CACUL1: variants seen among roughly 807,000 people sequenced by gnomAD.
CACUL1 encodes CDK2-associated and cullin domain-containing protein 1.
Under a neutral mutation model 45.2 loss-of-function variants are expected in CACUL1, and 13 were observed. The observed-to-expected ratio is 0.29, with a 90% confidence interval of 0.19 to 0.46. The LOEUF is 0.46. Ranked by LOEUF, CACUL1 falls within the 20% of genes least tolerant of loss-of-function variation. CACUL1 has a pLI of 1.00. For missense variants in CACUL1, 421 were observed against 471.4 expected (o/e 0.89, Z 0.99); for synonymous variants, 197 against 174.2 (o/e 1.13, Z -1.03).
chr10:118,714,782 T>G (rs949526033), intron 3 of CACUL1, among the ~76,000 whole-genome samples: 1 of 152,240 alleles, frequency 6.6e-6, no homozygotes, highest in Non-Finnish European at 1.5e-5. Flanking sequence ...ATAAAATTAA[T>G]AATTTTCTCT....
chr10:118,729,407 A>G lies in CACUL1; in HGVS notation c.495-10T>C. The G allele has an allele frequency of 6.3e-7, 1 of 1,594,462 alleles. No individual in the cohort carries two copies. On this transcript the variant is annotated splice_polypyrimidine_tract_variant and intron_variant, in intron 2 of 8. Transcript: ENST00000369151. ...ACATTTATACACACAACTGTAAAAC[A>G]AACAAAAACCCCCACAAACCAAGTT...
At position 118,692,786 on chromosome 10, in the gene CACUL1, A is replaced by G. The variant is rs1161573423; in HGVS notation, c.887-1383T>C. 5 of 152,254 alleles carry G rather than the reference A, an allele frequency of 3.3e-5. No homozygotes were observed. In the East Asian group the frequency reaches 9.6e-4, roughly 29 times the overall value. The allele number at this position is 152,254 out of a possible 1,614,324, so 9.4% of individuals were successfully genotyped here. ...AAAGCCACGCTTGATGCTGTGGAAC[A>G]TTTGCTCTGTGGTAAGTAAAAAAGT... On this transcript the variant is annotated intron_variant, in intron 6 of 8. Coordinates refer to ENST00000369151, the MANE Select transcript of CACUL1 (RefSeq NM_153810.5).
chr10:118,754,113 G>A (rs1204329043), intron 1 of CACUL1, among the ~76,000 whole-genome samples: 1 of 152,202 alleles, frequency 6.6e-6, no homozygotes, highest in Non-Finnish European at 1.5e-5. Context: ...TGCCAGTTGT[G>A]ATAGGGATCG....
intron 5 of CACUL1, among the ~76,000 whole-genome samples, chr10:118,698,765 A>C (rs1485411009): frequency 6.6e-6 from 1 of 152,200 alleles, no homozygotes; most frequent in Non-Finnish European, 1.5e-5. Flanking sequence ...TGCAGAGCAA[A>C]ATAAAAGACT....
Position 118,684,964 on chromosome 10 carries a change from C to G in CACUL1, c.*1164G>C, listed in dbSNP as rs1157350834. ...GAAACTTTTATGATGGACTAAAAAG[C>G]ACTGTGGATGTGGAGAAACAGAAAT... On this transcript the variant is annotated 3_prime_UTR_variant, in exon 9 of 9. Coordinates refer to ENST00000369151, the MANE Select transcript of CACUL1 (RefSeq NM_153810.5). The G allele has an allele frequency of 1.3e-5, 2 of 152,202 alleles. No individual in the cohort carries two copies. Among genetic ancestry groups the G allele is most frequent in the African/African-American group, 4.8e-5 (2 of 41,442 alleles). The allele number at this position is 152,202 out of a possible 1,614,324, so 9.4% of individuals were successfully genotyped here.
chr10:118,739,941 T>TA (rs1038735106), intron 1 of CACUL1, among the ~76,000 whole-genome samples: 1 of 152,144 alleles, frequency 6.6e-6, no homozygotes, highest in African/African-American at 2.4e-5. Context: ...GGTCAGGAGT[T>TA]AGAGACCAGC....
In CACUL1 at chr10:118,683,686, C is replaced by T. The variant is rs1047224153; in HGVS notation, c.*2442G>A. The T allele has an allele frequency of 6.6e-6, 1 of 152,090 alleles. No homozygotes were observed. The highest frequency in any genetic ancestry group is 2.4e-5 in the African/African-American group (1 of 41,404). 9.4% of individuals were successfully genotyped at this position (152,090 alleles called of 1,614,324 possible). On this transcript the variant is annotated 3_prime_UTR_variant, in exon 9 of 9. Coordinates refer to ENST00000369151, the MANE Select transcript of CACUL1 (RefSeq NM_153810.5). ...CTCCAGCCTGGGTGAGAGAGTGAGACTCCATCTCAAAAACAAAATATAAGA... is the reference window on the plus strand; with the variant it reads ...CTCCAGCCTGGGTGAGAGAGTGAGATTCCATCTCAAAAACAAAATATAAGA...
At chr10:118,751,556 C>T (rs1452664147) in intron 1 of CACUL1, among the ~76,000 whole-genome samples, 1 of 152,056 alleles carries the variant, frequency 6.6e-6, no homozygotes, top group African/African-American at 2.4e-5. Flanking sequence ...AATTTGTTTC[C>T]TTGGTCTATT....
chr10:118,704,026 A>G (rs1845409465), intron 4 of CACUL1, among the ~76,000 whole-genome samples: 1 of 151,966 alleles, frequency 6.6e-6, no homozygotes, highest in Admixed American at 6.6e-5. Context: ...CAAATTTTGT[A>G]TTGTCATAGT....
At chr10:118,721,375 C>A (rs1045384050) in intron 3 of CACUL1, among the ~76,000 whole-genome samples, 2 of 152,146 alleles carry the variant, frequency 1.3e-5, no homozygotes, top group Admixed American at 1.3e-4. Context: ...GGTTTAGTTT[C>A]TATTAATTTC....
At chr10:118,752,219 G>A (rs557999050) in intron 1 of CACUL1, among the ~76,000 whole-genome samples, 1 of 152,224 alleles carries the variant, frequency 6.6e-6, no homozygotes, top group South Asian at 2.1e-4. Flanking sequence ...GTAATGACAG[G>A]AGCATCCTTA....
intron 3 of CACUL1, among the ~76,000 whole-genome samples, chr10:118,710,367 T>G (rs73423948): frequency 0.041 from 6,178 of 152,230 alleles, 170 homozygotes; most frequent in African/African-American, 0.063. Flanking sequence ...CAAAGCATGA[T>G]CAATCCAAGG....
In CACUL1 at chr10:118,707,579, A is replaced by G. The variant is rs1845444360; in HGVS notation, c.606T>C (p.Pro202=). 5.9e-6 allele frequency: 9 copies of G among 1,528,036 alleles called. No homozygotes were observed. The highest frequency in any genetic ancestry group is 7.2e-6 in the Non-Finnish European group (8 of 1,104,130). 94.7% of individuals were successfully genotyped at this position (1,528,036 alleles called of 1,614,324 possible). ...TAAATCTTTCAATATAGAGATCTGG[A>G]GGGCTGGCCTGTGAGAAAGAACAGA... is the stretch of plus-strand genomic sequence containing the variant. ...ERVSKELQAS[P]PDLYIERFNI... The change falls in exon 4 of 9, where the codon CCT becomes CCC. Residue 202 remains proline (P), a synonymous_variant. Transcript: ENST00000369151.
At chr10:118,704,231 T>A (rs1480370514) in intron 4 of CACUL1, among the ~76,000 whole-genome samples, 4 of 151,118 alleles carry the variant, frequency 2.6e-5, no homozygotes, top group Admixed American at 6.6e-5. Context: ...AAAAAAAAAA[T>A]TCCTAACATT....
At chr10:118,693,826 A>C in intron 6 of CACUL1, 2 of 437,726 alleles carry the variant, frequency 4.6e-6, no homozygotes, top group South Asian at 3.2e-5. Flanking sequence ...ATTTCTGTTA[A>C]AAGTCACAGA....
At chr10:118,739,974 G>A (rs113786187) in intron 1 of CACUL1, among the ~76,000 whole-genome samples, 14,925 of 151,714 alleles carry the variant, frequency 0.098, 776 homozygotes, top group Admixed American at 0.16. Flanking sequence ...GTGAAACCCC[G>A]TCTCTACTAA....
intron 8 of CACUL1, 25 bp from the exon 9 acceptor site, chr10:118,686,193 A>G: frequency 1.3e-6 from 2 of 1,594,796 alleles, no homozygotes; most frequent in Non-Finnish European, 1.7e-6. Context: ...GAATAGGAAA[A>G]AGTATGAAGA....
In CACUL1 at chr10:118,707,488, T is replaced by A; in HGVS notation, c.693+4A>T. Reference sequence around the variant, plus strand: ...TTGGGAAGGAGGAAGGAGCTCTTACTTACCATATATATGAAAAGAGGCACA... The same window carrying A: ...TTGGGAAGGAGGAAGGAGCTCTTACATACCATATATATGAAAAGAGGCACA... On this transcript the variant is annotated splice_donor_region_variant and intron_variant, in intron 4 of 8. Coordinates refer to ENST00000369151, the MANE Select transcript of CACUL1 (RefSeq NM_153810.5). 7.2e-7 allele frequency: 1 copy of A among 1,393,422 alleles called. No homozygotes were observed. Among genetic ancestry groups the A allele is most frequent in the Non-Finnish European group, 1.0e-6 (1 of 981,116 alleles). The allele number at this position is 1,393,422 out of a possible 1,614,324, so 86.3% of individuals were successfully genotyped here.
intron 1 of CACUL1, among the ~76,000 whole-genome samples, chr10:118,738,067 A>T (rs1543578): frequency 0.18 from 27,464 of 152,214 alleles, 3,141 homozygotes; most frequent in African/African-American, 0.3. Flanking sequence ...CTTGGCATTA[A>T]GCCCAGTAGA....
Sources: gnomAD v4.1 joint callset for allele counts (sites outside exome capture counted in the v4.1 genomes callset) on GRCh38, gnomAD v4.1.1 for gene constraint, MANE v1.5 for transcripts, NCBI Gene and HGNC (gene_info 2026-07-23, HGNC 2026-07-21) for gene names.